SEMA5B: variants seen among roughly 807,000 people sequenced by gnomAD.
SEMA5B encodes semaphorin 5B.
In SEMA5B, 66 loss-of-function variants were observed where a neutral mutation model predicts 135.0. That is an observed-to-expected ratio of 0.49 (90% CI 0.40 to 0.60). The LOEUF is 0.60. Among genes scored for constraint, SEMA5B ranks in the 20% least tolerant of loss-of-function variants. The pLI, the probability that SEMA5B is intolerant of heterozygous loss-of-function variation, is 0.00. For synonymous variants in SEMA5B, 690 were observed against 639.5 expected (o/e 1.08, Z -1.19); for missense variants, 1,501 against 1,566.3 (o/e 0.96, Z 0.70).
chr3:122,918,078 T>G (rs77382154), intron 12 of SEMA5B, among the ~76,000 whole-genome samples: 2,569 of 152,296 alleles, frequency 0.017, 29 homozygotes, highest in Non-Finnish European at 0.026. Flanking sequence ...GCAGCTTACG[T>G]GGCATTATAA....
In SEMA5B at chr3:122,932,839, C is replaced by T. The variant is rs371759866; in HGVS notation, c.475-3781G>A. 7.2e-5 allele frequency among the ~76,000 whole-genome samples: 11 copies of T among 152,298 alleles called. 2 individuals are homozygous for T. Among genetic ancestry groups the T allele is most frequent in the Admixed American group, 6.5e-5 (1 of 15,306 alleles). On this transcript the variant is annotated intron_variant, in intron 5 of 22. Coordinates refer to ENST00000357599, the MANE Select transcript of SEMA5B (RefSeq NM_001031702.4). ...GCTCAGGTGATCCTCTTGCCTCAGC[C>T]TTCCAAGTAGCTGGGAACACAAGTG...
At chr3:122,966,892 ATTATTATTAGAGATGGAGT>A (rs1940869769) in intron 1 of SEMA5B, among the ~76,000 whole-genome samples, 1 of 141,210 alleles carries the variant, frequency 7.1e-6, no homozygotes, top group Admixed American at 7.3e-5. Flanking sequence ...TATTATTATT[ATTATTATTAGAGATGGAGT>A]TTCACTCTTG....
intron 2 of SEMA5B, chr3:122,958,193 A>G (rs1378950281): frequency 6.6e-6 from 1 of 152,228 alleles, no homozygotes; most frequent in Non-Finnish European, 1.5e-5. Flanking sequence ...AAGGAAGGCG[A>G]TGCTTCCTTT....
At chr3:122,966,848 A>G (rs1215312296) in intron 1 of SEMA5B, among the ~76,000 whole-genome samples, 7 of 140,282 alleles carry the variant, frequency 5.0e-5, no homozygotes, top group East Asian at 2.1e-4. Context: ...GTGAGCCACC[A>G]CACCCGGCCT....
At chr3:122,971,423 A>G (rs1253187614) in intron 1 of SEMA5B, among the ~76,000 whole-genome samples, 2 of 152,262 alleles carry the variant, frequency 1.3e-5, no homozygotes, top group Non-Finnish European at 2.9e-5. Flanking sequence ...GTGCCCACTC[A>G]TGGTTGAAAG....
intron 4 of SEMA5B, among the ~76,000 whole-genome samples, chr3:122,942,327 T>C (rs902915733): frequency 1.3e-5 from 2 of 152,072 alleles, no homozygotes; most frequent in Non-Finnish European, 2.9e-5. Context: ...CTCATTTTCA[T>C]ACAGCAAATG....
chr3:122,925,627 C>T (rs1330458716), intron 9 of SEMA5B, among the ~76,000 whole-genome samples: 3 of 151,848 alleles, frequency 2.0e-5, no homozygotes, highest in Non-Finnish European at 4.4e-5. Context: ...CCGAGATTGC[C>T]CCACTGCGCT....
rs753652927 is a variant in SEMA5B, at chr3:122,929,065, G to A, written c.475-7C>T. On this transcript the variant is annotated splice_polypyrimidine_tract_variant and splice_region_variant and intron_variant, in intron 5 of 22. Transcript: ENST00000357599. ...TGGAGGCCCACTCTGTGGCCTGGGG[G>A]AGGAACATAGGAGCACACAGACATC... 14 of 1,610,880 alleles carry A rather than the reference G, an allele frequency of 8.7e-6. No homozygotes were observed. The highest frequency in any genetic ancestry group is 5.5e-5 in the South Asian group (5 of 91,060).
chr3:122,929,901 C>T (rs1182926023), intron 5 of SEMA5B, among the ~76,000 whole-genome samples: 1 of 152,212 alleles, frequency 6.6e-6, no homozygotes, highest in African/African-American at 2.4e-5. Context: ...ATCTATTCTG[C>T]CTCTACTCTC....
At chr3:122,965,454 A>G (rs1940778544) in intron 1 of SEMA5B, among the ~76,000 whole-genome samples, 1 of 152,238 alleles carries the variant, frequency 6.6e-6, no homozygotes. Flanking sequence ...GTGGGCACCA[A>G]TCCCTTTCCT....
chr3:122,967,588 A>G (rs1940921176), intron 1 of SEMA5B, among the ~76,000 whole-genome samples: 1 of 152,234 alleles, frequency 6.6e-6, no homozygotes, highest in Admixed American at 6.5e-5. Flanking sequence ...ACAGAGGAGT[A>G]TAGGAGCCCA....
chr3:122,929,146 G>C (rs537398342), intron 5 of SEMA5B, 88 bp from the exon 6 acceptor site: 2 of 1,299,018 alleles, frequency 1.5e-6, no homozygotes, highest in Non-Finnish European at 2.2e-6. Context: ...AGCCAGTGTC[G>C]GGAGTGGACA....
At position 122,914,902 on chromosome 3, in the gene SEMA5B, C is replaced by T. The variant is rs117449252; in HGVS notation, c.1988+538G>A. Among the ~76,000 whole-genome samples, 771 of 145,770 alleles carry T rather than the reference C, an allele frequency of 5.3e-3. 18 individuals are homozygous for T. Among genetic ancestry groups the T allele is most frequent in the Admixed American group, 0.034 (509 of 15,058 alleles). On this transcript the variant is annotated intron_variant, in intron 14 of 22. Coordinates refer to ENST00000357599, the MANE Select transcript of SEMA5B (RefSeq NM_001031702.4). ...CTCCAGCCTGGGCAACAGAGTGAGA[C>T]GCTGTCTCAAAAAAAGAAAAAGTGT...
intron 1 of SEMA5B, among the ~76,000 whole-genome samples, chr3:122,993,749 C>T (rs930725665): frequency 6.6e-6 from 1 of 151,796 alleles, no homozygotes; most frequent in Non-Finnish European, 1.5e-5. Flanking sequence ...CCCTTGCCAC[C>T]CGCTCTGGGA....
chr3:122,938,488 C>T (rs760490251), intron 5 of SEMA5B, among the ~76,000 whole-genome samples: 8 of 152,182 alleles, frequency 5.3e-5, no homozygotes, highest in Non-Finnish European at 1.0e-4. Context: ...GCCAGAATGT[C>T]ATACCAGCTC....
At chr3:123,015,393 G>C (rs1001725246) in intron 1 of SEMA5B, among the ~76,000 whole-genome samples, 1 of 152,222 alleles carries the variant, frequency 6.6e-6, no homozygotes, top group South Asian at 2.1e-4. Flanking sequence ...CAGAGTTGAG[G>C]CTATGTTAAC....
At chr3:123,010,808 CA>C (rs138507516) in intron 1 of SEMA5B, among the ~76,000 whole-genome samples, 6,420 of 63,408 alleles carry the variant, frequency 0.1, 146 homozygotes, top group Admixed American at 0.22. Context: ...GTCTCCATCT[CA>C]AAAAAAAAAA....
rs959496775 is a variant in SEMA5B, at chr3:123,017,882, T to C, written c.-39+9582A>G. ...AAGACTGCATCACTGCACTCCAGCCTGGGCGACAGAGTGAGTGAGACTCCA... is the reference window on the plus strand; with the variant it reads ...AAGACTGCATCACTGCACTCCAGCCCGGGCGACAGAGTGAGTGAGACTCCA... On this transcript the variant is annotated intron_variant, in intron 1 of 22. Transcript: ENST00000357599. 2.0e-5 allele frequency among the ~76,000 whole-genome samples: 3 copies of C among 149,582 alleles called. No individual in the cohort carries two copies. The Admixed American group carries it at 2.0e-4, about 10-fold the overall frequency.
chr3:122,965,405 C>T (rs941105791), intron 1 of SEMA5B, among the ~76,000 whole-genome samples: 1 of 152,234 alleles, frequency 6.6e-6, no homozygotes, highest in African/African-American at 2.4e-5. Flanking sequence ...GCTACAGGCT[C>T]TGGGAAGACA....
Sources: gnomAD v4.1 joint callset for allele counts (sites outside exome capture counted in the v4.1 genomes callset) on GRCh38, gnomAD v4.1.1 for gene constraint, MANE v1.5 for transcripts, NCBI Gene and HGNC (gene_info 2026-07-23, HGNC 2026-07-21) for gene names.